Variants in KIAA0825 observed in about 807,000 individuals in gnomAD.
The protein encoded by KIAA0825 is KIAA0825, also known as uncharacterized protein KIAA0825.
In KIAA0825, 119 loss-of-function variants were observed where a neutral mutation model predicts 147.6. The ratio of observed to expected loss-of-function variants is 0.81; its 90% CI spans 0.69 to 0.94. The LOEUF is 0.94. Ranked by LOEUF, KIAA0825 falls within the 40% of genes least tolerant of loss-of-function variation. The pLI is 0.00. For synonymous variants in KIAA0825, 470 were observed against 518.1 expected (o/e 0.91, Z 1.26); for missense variants, 1,381 against 1,472.7 (o/e 0.94, Z 1.02).
chr5:94,588,402 G>C (rs933614522), intron 1 of KIAA0825, among the ~76,000 whole-genome samples: 6 of 152,150 alleles, frequency 3.9e-5, no homozygotes, highest in African/African-American at 1.4e-4. Flanking sequence ...CTTTTCAAAA[G>C]AAGACATTTA....
intron 5 of KIAA0825, among the ~76,000 whole-genome samples, chr5:94,489,475 T>C (rs942500264): frequency 2.6e-5 from 4 of 151,888 alleles, no homozygotes; most frequent in Non-Finnish European, 5.9e-5. Context: ...TAAAAACCCT[T>C]GTGGGTTAAA....
intron 14 of KIAA0825, among the ~76,000 whole-genome samples, chr5:94,418,908 C>T (rs1201359108): frequency 6.6e-6 from 1 of 152,086 alleles, no homozygotes; most frequent in East Asian, 1.9e-4. Flanking sequence ...GATAGGGTCT[C>T]ACTCTGTCTC....
intron 1 of KIAA0825, chr5:94,592,996 A>T: frequency 3.3e-6 from 2 of 610,704 alleles, no homozygotes; most frequent in Non-Finnish European, 6.2e-6. Context: ...TATACTTTGG[A>T]AGCTTCAAAA....
At chr5:94,166,675 T>C (rs1214594559) in intron 20 of KIAA0825, among the ~76,000 whole-genome samples, 1 of 151,542 alleles carries the variant, frequency 6.6e-6, no homozygotes, top group Admixed American at 6.6e-5. Context: ...GCCCAGCTAA[T>C]TTTTGTATTT....
At chr5:94,391,435 A>G (rs1465214170) in intron 18 of KIAA0825, 100 bp downstream of exon 18, 15 of 1,137,742 alleles carry the variant, frequency 1.3e-5, no homozygotes, top group Non-Finnish European at 2.5e-6. Flanking sequence ...TATTGACTTT[A>G]AGAAGTATTA....
At chr5:94,498,481 G>A (rs1752379443) in intron 5 of KIAA0825, among the ~76,000 whole-genome samples, 1 of 152,208 alleles carries the variant, frequency 6.6e-6, no homozygotes, top group Non-Finnish European at 1.5e-5. Flanking sequence ...TGAAGGCTAA[G>A]ATCCTGTTGC....
At chr5:94,377,485 T>C (rs942951001) in intron 20 of KIAA0825, among the ~76,000 whole-genome samples, 15 of 152,258 alleles carry the variant, frequency 9.9e-5, no homozygotes, top group Non-Finnish European at 1.5e-4. Context: ...GGAGAGCTCC[T>C]TTTGGTCCAC....
intron 20 of KIAA0825, among the ~76,000 whole-genome samples, chr5:94,368,980 C>T (rs1438073914): frequency 1.3e-5 from 2 of 152,052 alleles, no homozygotes; most frequent in East Asian, 3.9e-4. Context: ...CCAGACCGGG[C>T]AACATGGCAA....
At chr5:94,305,208 C>G (rs1470247407) in intron 20 of KIAA0825, among the ~76,000 whole-genome samples, 1 of 151,984 alleles carries the variant, frequency 6.6e-6, no homozygotes. Flanking sequence ...TTTGTCTCTA[C>G]TAATTTATAT....
At chr5:94,411,023 GGT>G (rs1752695932) in intron 15 of KIAA0825, among the ~76,000 whole-genome samples, 1 of 151,874 alleles carries the variant, frequency 6.6e-6, no homozygotes, top group Non-Finnish European at 1.5e-5. Flanking sequence ...TAAATTGTAG[GGT>G]TTATAATACT....
intron 2 of KIAA0825, among the ~76,000 whole-genome samples, chr5:94,559,588 T>A (rs151033040): frequency 2.0e-5 from 3 of 152,332 alleles, no homozygotes; most frequent in African/African-American, 7.2e-5. Flanking sequence ...ACTGATCCCA[T>A]TTCCCTGGAG....
intron 5 of KIAA0825, among the ~76,000 whole-genome samples, chr5:94,507,900 T>A (rs1584722434): frequency 6.6e-6 from 1 of 152,194 alleles, no homozygotes; most frequent in Admixed American, 6.5e-5. Context: ...CATCCATAAA[T>A]CCCACTAGCA....
intron 20 of KIAA0825, among the ~76,000 whole-genome samples, chr5:94,258,641 A>G (rs893422218): frequency 3.3e-5 from 5 of 152,076 alleles, no homozygotes; most frequent in Non-Finnish European, 5.9e-5. Flanking sequence ...AAATAACTCT[A>G]CTAACAAATA....
At chr5:94,566,756 C>G (rs1253418534) in intron 2 of KIAA0825, among the ~76,000 whole-genome samples, 1 of 152,056 alleles carries the variant, frequency 6.6e-6, no homozygotes, top group East Asian at 1.9e-4. Context: ...AAAATACTCT[C>G]TCTCAGGTGA....
intron 14 of KIAA0825, among the ~76,000 whole-genome samples, chr5:94,424,463 T>A (rs1375100004): frequency 6.6e-6 from 1 of 152,028 alleles, no homozygotes; most frequent in Admixed American, 6.6e-5. Flanking sequence ...TTTAAAAAAA[T>A]TCCTAAAACA....
chr5:94,583,189 C>T (rs1299925075), intron 1 of KIAA0825, among the ~76,000 whole-genome samples: 6 of 152,154 alleles, frequency 3.9e-5, no homozygotes, highest in Non-Finnish European at 8.8e-5. Context: ...GGGTGCAGCC[C>T]ATGGAGGGTG....
chr5:94,536,956 A>T (rs1055112221), intron 3 of KIAA0825, 40 bp downstream of exon 3: 1 of 1,443,250 alleles, frequency 6.9e-7, no homozygotes, highest in Admixed American at 1.9e-5. Flanking sequence ...TATAAGTGAA[A>T]TGTGAAAACA....
intron 20 of KIAA0825, among the ~76,000 whole-genome samples, chr5:94,161,057 G>T (rs923702892): frequency 6.6e-6 from 1 of 152,158 alleles, no homozygotes; most frequent in African/African-American, 2.4e-5. Flanking sequence ...CACACAGTCT[G>T]TCACCAGTTA....
chr5:94,273,766 T>C (rs1777093678), intron 20 of KIAA0825, among the ~76,000 whole-genome samples: 1 of 150,400 alleles, frequency 6.6e-6, no homozygotes. Flanking sequence ...TGAGGACTGA[T>C]GTAATGGTTA....
Sources: gnomAD v4.1 joint callset for allele counts (sites outside exome capture counted in the v4.1 genomes callset) on GRCh38, gnomAD v4.1.1 for gene constraint, MANE v1.5 for transcripts, NCBI Gene and HGNC (gene_info 2026-07-23, HGNC 2026-07-21) for gene names.